CFHR3: variants seen among roughly 807,000 people sequenced by gnomAD.
CFHR3 encodes the protein complement factor H related 3, also known as complement factor H-related protein 3.
A neutral mutation model predicts 36.0 loss-of-function variants in CFHR3; 22 were observed. The ratio of observed to expected loss-of-function variants is 0.61; its 90% CI spans 0.44 to 0.87. CFHR3 has a LOEUF of 0.87. Among genes scored for constraint, CFHR3 ranks in the 40% least tolerant of loss-of-function variants. The pLI is 0.00. For synonymous variants in CFHR3, 97 were observed against 137.4 expected, an observed-to-expected ratio of 0.71 and a Z score of 2.06; for missense variants, 276 against 401.3, an observed-to-expected ratio of 0.69 and a Z score of 2.67.
chr1:196,788,746 T>C lies in CFHR3; in HGVS notation c.613+348T>C, dbSNP rs1458189605. Reference sequence around the variant, plus strand: ...TTCTTTGTATTTCAAAATTATCAGCTGCTTGTATTGCATTCCGTGCTCACG... The same window carrying C: ...TTCTTTGTATTTCAAAATTATCAGCCGCTTGTATTGCATTCCGTGCTCACG... On this transcript the variant is annotated intron_variant, in intron 4 of 5. Coordinates refer to ENST00000367425, the MANE Select transcript of CFHR3 (RefSeq NM_021023.6). 3 of 1,450,022 alleles carry C rather than the reference T, an allele frequency of 2.1e-6. 1 individual carries two copies. Among genetic ancestry groups the C allele is most frequent in the South Asian group, 1.3e-5 (1 of 74,268 alleles). 89.8% of individuals were successfully genotyped at this position (1,450,022 alleles called of 1,614,324 possible).
At chr1:196,790,465 G>T (rs868651278) in intron 5 of CFHR3, among the ~76,000 whole-genome samples, 1 of 134,038 alleles carries the variant, frequency 7.5e-6, no homozygotes, top group African/African-American at 3.2e-5. Flanking sequence ...GGTGGCTCAC[G>T]CCTGTAGTCC....
In CFHR3 at chr1:196,787,390, T is replaced by C. The variant is rs1654251701; in HGVS notation, c.431-826T>C. ...AGGCAAGAATAGATCAGAAAACTCA[T>C]GATTATGACAAATGCTATATTATAA... On this transcript the variant is annotated intron_variant, in intron 3 of 5. Transcript: ENST00000367425. Among the ~76,000 whole-genome samples, 2 of 137,296 alleles carry C rather than the reference T, an allele frequency of 1.5e-5. 1 individual carries two copies. Among genetic ancestry groups the C allele is most frequent in the Non-Finnish European group, 3.1e-5 (2 of 64,624 alleles). 90.1% of individuals were successfully genotyped at this position (137,296 alleles called of 152,430 possible).
Position 196,779,134 on chromosome 1 carries a change from T to A in CFHR3, c.59-28T>A, listed in dbSNP as rs770543655. The A allele has an allele frequency of 6.3e-6, 9 of 1,430,188 alleles. 2 individuals carry two copies. The highest frequency in any genetic ancestry group is 8.6e-6 in the Non-Finnish European group (9 of 1,046,124). The allele number at this position is 1,430,188 out of a possible 1,614,324, so 88.6% of individuals were successfully genotyped here. A position where few individuals can be genotyped will look rare whatever the true frequency, so the allele number is the denominator to read the frequency against. ...GATTTATTACAGTAAAAATTATTTA[T>A]ACTTTTTTGTTTGTTTTTTATTGCA... On this transcript the variant is annotated intron_variant, in intron 1 of 5. Transcript: ENST00000367425.
At position 196,779,967 on chromosome 1, in the gene CFHR3, C is replaced by T. The variant is rs61737525; in HGVS notation, c.424C>T (p.Arg142Cys). Reference protein sequence around the residue: ...KGWSPTPRCIRVRTCSKSDIE... With the variant: ...KGWSPTPRCICVRTCSKSDIE... ...CTGGTCTCCTACTCCCAGATGCATCCGTGTCAGTAAGTACACCGCTCTGAG... is the reference window on the plus strand; with the variant it reads ...CTGGTCTCCTACTCCCAGATGCATCTGTGTCAGTAAGTACACCGCTCTGAG... The change falls in exon 3 of 6, where the codon CGT becomes TGT. Residue 142 changes from arginine (R) to cysteine (C), a missense_variant. Arg to Cys is a radical substitution (Grantham distance 180). Transcript: ENST00000367425. 6,298 of 1,532,622 alleles carry T rather than the reference C, an allele frequency of 4.1e-3. 1,579 individuals carry two copies. In the African/African-American group the frequency reaches 0.076, roughly 19 times the overall value. 94.9% of individuals were successfully genotyped at this position (1,532,622 alleles called of 1,614,324 possible).
chr1:196,777,181 T>C (rs1653755689), intron 1 of CFHR3, among the ~76,000 whole-genome samples: 1 of 137,242 alleles, frequency 7.3e-6, no homozygotes, highest in Admixed American at 7.0e-5. Flanking sequence ...CAACCTATTA[T>C]AATGTTCATT....
At chr1:196,787,542 A>G (rs1255271870) in intron 3 of CFHR3, among the ~76,000 whole-genome samples, 1 of 137,704 alleles carries the variant, frequency 7.3e-6, no homozygotes, top group East Asian at 1.9e-4. Flanking sequence ...CATATGCGTT[A>G]CTAAAATAAT....
chr1:196,780,222 G>C (rs1653890681), intron 3 of CFHR3, among the ~76,000 whole-genome samples: 1 of 137,432 alleles, frequency 7.3e-6, no homozygotes, highest in Non-Finnish European at 1.5e-5. Context: ...CACAATACTT[G>C]TTGGCTAAAT....
intron 3 of CFHR3, among the ~76,000 whole-genome samples, chr1:196,783,726 C>T (rs549361408): frequency 2.9e-5 from 4 of 135,806 alleles, no homozygotes; most frequent in East Asian, 3.9e-4. Context: ...AGCAGTCTAT[C>T]GATTTTGTTG....
At chr1:196,788,476 A>T in intron 4 of CFHR3, 78 bp downstream of exon 4, 1 of 1,493,668 alleles carries the variant, frequency 6.7e-7, no homozygotes, top group South Asian at 1.3e-5. Context: ...TTACTTAAAA[A>T]TATAGAAAAC....
intron 3 of CFHR3, 33 bp downstream of exon 3, chr1:196,780,006 C>G: frequency 6.5e-7 from 1 of 1,529,992 alleles, no homozygotes; most frequent in Non-Finnish European, 8.8e-7. Context: ...CCAGCATGTT[C>G]ATGTCTTTCT....
rs144812002 is a variant in CFHR3 at position 196,792,677 on chromosome 1, T to C, written c.797-640T>C. On this transcript the variant is annotated intron_variant, in intron 5 of 5. Transcript: ENST00000367425. Reference sequence around the variant, plus strand: ...ATCATGTAGGGATTCATATTAACTCTGTGTGCTTATCCTTGCCTCTCTTTA... The same window carrying C: ...ATCATGTAGGGATTCATATTAACTCCGTGTGCTTATCCTTGCCTCTCTTTA... 4.4e-5 allele frequency among the ~76,000 whole-genome samples: 6 copies of C among 136,468 alleles called. 2 individuals carry two copies. Among genetic ancestry groups the C allele is most frequent in the African/African-American group, 9.2e-5 (3 of 32,724 alleles). The allele number at this position is 136,468 out of a possible 152,430, so 89.5% of individuals were successfully genotyped here.
At chr1:196,789,733 G>T in intron 4 of CFHR3, 2 of 1,431,292 alleles carry the variant, frequency 1.4e-6, no homozygotes, top group Non-Finnish European at 1.8e-6. Flanking sequence ...GTGAAGATGG[G>T]TAGTCCCATT....
Position 196,793,418 on chromosome 1 carries a change from T to A in CFHR3, c.898T>A (p.Phe300Ile). 1 of 1,527,290 alleles carries A rather than the reference T, an allele frequency of 6.5e-7. No individual in the cohort carries two copies. Among genetic ancestry groups the A allele is most frequent in the Non-Finnish European group, 8.9e-7 (1 of 1,129,426 alleles). The allele number at this position is 1,527,290 out of a possible 1,614,324, so 94.6% of individuals were successfully genotyped here. The change falls in exon 6 of 6, where the codon TTT becomes ATT. Residue 300 changes from phenylalanine (F) to isoleucine (I), a missense_variant. Coordinates refer to ENST00000367425, the MANE Select transcript of CFHR3 (RefSeq NM_021023.6). ...TGCAAAAACAGGGGATACCATTGAA[T>A]TTATGTGTAAATTGGGATATAATGC... ...YYAKTGDTIE[F>I]MCKLGYNANT...
intron 4 of CFHR3, chr1:196,789,101 T>G: frequency 9.3e-7 from 1 of 1,073,216 alleles, no homozygotes; most frequent in Non-Finnish European, 1.1e-6. Context: ...ATTTTTTTTC[T>G]TTCCTCTTTA....
intron 3 of CFHR3, among the ~76,000 whole-genome samples, chr1:196,783,914 T>C (rs1407768028): frequency 2.2e-5 from 3 of 135,524 alleles, no homozygotes; most frequent in South Asian, 5.3e-4. Context: ...ATTTTGGATC[T>C]TTCCTGCTTT....
At position 196,788,359 on chromosome 1, in the gene CFHR3, T is replaced by C. The variant is rs1260299819; in HGVS notation, c.574T>C (p.Cys192Arg). 6.5e-7 allele frequency: 1 copy of C among 1,530,364 alleles called. No individual in the cohort carries two copies. Among genetic ancestry groups the C allele is most frequent in the Non-Finnish European group, 8.8e-7 (1 of 1,131,994 alleles). 94.8% of individuals were successfully genotyped at this position (1,530,364 alleles called of 1,614,324 possible). A position where few individuals can be genotyped will look rare whatever the true frequency, so the allele number is the denominator to read the frequency against. ...ADGNSSGSITCLQNGWSAQPI... is the reference protein window; with the variant it reads ...ADGNSSGSITRLQNGWSAQPI... ...TGGAAATTCTTCAGGATCAATTACA[T>C]GTTTGCAAAATGGATGGTCAGCACA... is the stretch of plus-strand genomic sequence containing the variant. The change falls in exon 4 of 6, where the codon TGT becomes CGT. Residue 192 changes from cysteine to arginine, a missense_variant. Cys to Arg is a radical substitution (Grantham distance 180, BLOSUM62 -3). Transcript: ENST00000367425.
At chr1:196,790,283 G>A in intron 5 of CFHR3, 56 bp downstream of exon 5, 1 of 997,584 alleles carries the variant, frequency 1.0e-6, no homozygotes, top group Admixed American at 2.4e-5. Flanking sequence ...TTTGATATTT[G>A]CTTTTTTATA....
rs144398879 is a variant in CFHR3, at chr1:196,779,897, C to T, written c.354C>T (p.Tyr118=). The change falls in exon 3 of 6, where the codon TAC becomes TAT. Residue 118 remains tyrosine (Y), a synonymous_variant. Transcript: ENST00000367425. ...CAGAAGTTGCCTGCCATCCTGGCTA[C>T]GGTCTTCCAAAAGCGCAGACCACAG... ...NSTEVACHPG[Y]GLPKAQTTVT... The T allele has an allele frequency of 2.6e-4, 400 of 1,533,054 alleles. 76 individuals are homozygous for T. The highest frequency in any genetic ancestry group is 4.6e-4 in the Admixed American group (27 of 58,166). 95.0% of individuals were successfully genotyped at this position (1,533,054 alleles called of 1,614,324 possible).
At chr1:196,778,908 C>A (rs1258128849) in intron 1 of CFHR3, among the ~76,000 whole-genome samples, 1 of 136,336 alleles carries the variant, frequency 7.3e-6, no homozygotes, top group East Asian at 2.0e-4. Context: ...GAATGAGGTT[C>A]TTCTTGTCCT....
Sources: gnomAD v4.1 joint callset for allele counts (sites outside exome capture counted in the v4.1 genomes callset) on GRCh38, gnomAD v4.1.1 for gene constraint, MANE v1.5 for transcripts, NCBI Gene and HGNC (gene_info 2026-07-23, HGNC 2026-07-21) for gene names.